PRKG1: variants seen among roughly 807,000 people sequenced by gnomAD.
The protein encoded by PRKG1 is cGMP-dependent protein kinase 1.
A neutral mutation model predicts 88.1 loss-of-function variants in PRKG1; 35 were observed. The ratio of observed to expected loss-of-function variants is 0.40; its 90% CI spans 0.30 to 0.53. PRKG1 has a LOEUF of 0.53. Among genes scored for constraint, PRKG1 ranks in the 20% least tolerant of loss-of-function variants. The probability of loss-of-function intolerance (pLI) is 0.59; values close to 1 mark genes in which losing one functional copy is unlikely to be tolerated. For missense variants in PRKG1, 540 were observed against 839.8 expected (o/e 0.64, Z 4.41); for synonymous variants, 303 against 292.5 (o/e 1.04, Z -0.37).
intron 2 of PRKG1, among the ~76,000 whole-genome samples, chr10:51,418,778 A>G (rs945863509): frequency 8.5e-5 from 13 of 152,310 alleles, no homozygotes; most frequent in Non-Finnish European, 1.8e-4. Flanking sequence ...AGACACACAC[A>G]CTAATGCAAT....
intron 2 of PRKG1, among the ~76,000 whole-genome samples, chr10:51,411,457 C>T (rs1480315169): frequency 6.6e-6 from 1 of 152,198 alleles, no homozygotes; most frequent in East Asian, 1.9e-4. Flanking sequence ...ATTCACGTTT[C>T]TACCCACTGC....
intron 1 of PRKG1, among the ~76,000 whole-genome samples, chr10:51,077,478 A>G (rs1843986397): frequency 6.6e-6 from 1 of 152,152 alleles, no homozygotes; most frequent in Non-Finnish European, 1.5e-5. Flanking sequence ...ATGCAAATAT[A>G]TCTGTTTAGT....
chr10:52,013,334 G>T (rs1844947443), intron 5 of PRKG1, among the ~76,000 whole-genome samples: 1 of 151,966 alleles, frequency 6.6e-6, no homozygotes, highest in South Asian at 2.1e-4. Flanking sequence ...CAGGAGAATG[G>T]TGTGAACCTG....
intron 3 of PRKG1, among the ~76,000 whole-genome samples, chr10:51,502,442 G>A (rs542998859): frequency 6.6e-6 from 1 of 152,150 alleles, no homozygotes; most frequent in South Asian, 2.1e-4. Flanking sequence ...TCATTAGAGA[G>A]CTGTATCTTG....
chr10:51,113,728 T>TAA (rs59764267), intron 1 of PRKG1, among the ~76,000 whole-genome samples: 6,396 of 92,222 alleles, frequency 0.069, 207 homozygotes, highest in African/African-American at 0.1. Flanking sequence ...GCATTCTATT[T>TAA]AAAAAAAAAA....
chr10:51,169,466 A>C (rs949508454), intron 2 of PRKG1, among the ~76,000 whole-genome samples: 1 of 152,128 alleles, frequency 6.6e-6, no homozygotes, highest in Admixed American at 6.6e-5. Context: ...GGATAAGTTA[A>C]ATTTTTTAAA....
chr10:51,910,052 A>T (rs1165145719), intron 5 of PRKG1: 1 of 152,152 alleles, frequency 6.6e-6, no homozygotes, highest in Non-Finnish European at 1.5e-5. Context: ...GCCTATTCTG[A>T]TATATTCTAT....
At chr10:52,223,206 A>G (rs1358536949) in intron 9 of PRKG1, among the ~76,000 whole-genome samples, 2 of 152,140 alleles carry the variant, frequency 1.3e-5, no homozygotes, top group Non-Finnish European at 2.9e-5. Context: ...CTTGAAATAC[A>G]TATAAACATA....
chr10:51,613,129 A>G (rs1360909331), intron 3 of PRKG1, among the ~76,000 whole-genome samples: 1 of 151,822 alleles, frequency 6.6e-6, no homozygotes, highest in Non-Finnish European at 1.5e-5. Flanking sequence ...ATAGAATTAC[A>G]CTGTGAATCC....
rs554751056 is a variant in PRKG1 at position 52,055,764 on chromosome 10, G to A, written c.840+1203G>A. ...GAAAGGAATTGATAGGCCAGTTTCC[G>A]TTTTTATAATTATCACTTTATAAAT... On this transcript the variant is annotated intron_variant, in intron 6 of 17. Transcript: ENST00000373980. 5.3e-5 allele frequency among the ~76,000 whole-genome samples: 8 copies of A among 152,148 alleles called. No homozygotes were observed. In the South Asian group the frequency reaches 6.2e-4, roughly 12 times the overall value.
In PRKG1 at chr10:51,043,103, C is replaced by A. The variant is rs116241971; in HGVS notation, c.266+51459C>A. ...TAAGACAAGGGACAAGGGGATTGAG[C>A]CTTTATACTTCCTTACTGAGCAGTC... On this transcript the variant is annotated intron_variant, in intron 1 of 17. Coordinates refer to the PRKG1 transcript ENST00000401604. Among the ~76,000 whole-genome samples, 17 of 152,164 alleles carry A rather than the reference C, an allele frequency of 1.1e-4. No homozygotes were observed. The South Asian group carries it at 1.9e-3, about 17-fold the overall frequency.
intron 1 of PRKG1, among the ~76,000 whole-genome samples, chr10:51,152,424 C>T (rs1040256147): frequency 1.3e-5 from 2 of 152,018 alleles, no homozygotes; most frequent in African/African-American, 4.8e-5. Flanking sequence ...TGCATTTCTA[C>T]CAGTTGTTTC....
At chr10:51,637,727 A>G (rs1291361564) in intron 3 of PRKG1, among the ~76,000 whole-genome samples, 2 of 152,156 alleles carry the variant, frequency 1.3e-5, no homozygotes, top group Non-Finnish European at 2.9e-5. Flanking sequence ...ATGAGAACAC[A>G]TAGACACATG....
chr10:51,701,394 C>G (rs1841462034), intron 3 of PRKG1, among the ~76,000 whole-genome samples: 1 of 152,148 alleles, frequency 6.6e-6, no homozygotes, highest in African/African-American at 2.4e-5. Context: ...ATCCATTTAC[C>G]TTCAAGTTTT....
At chr10:51,196,326 A>G (rs551705858) in intron 2 of PRKG1, among the ~76,000 whole-genome samples, 4 of 152,300 alleles carry the variant, frequency 2.6e-5, no homozygotes, top group East Asian at 1.9e-4. Context: ...ATTTATTTTT[A>G]TATACTTTTA....
intron 5 of PRKG1, among the ~76,000 whole-genome samples, chr10:51,928,713 C>T (rs1265985178): frequency 6.6e-6 from 1 of 152,150 alleles, no homozygotes; most frequent in South Asian, 2.1e-4. Flanking sequence ...ATTTTGCAAT[C>T]AGCTAATATC....
intron 4 of PRKG1, among the ~76,000 whole-genome samples, chr10:51,850,489 T>TTATATATATATATATA (rs141736837): frequency 7.0e-6 from 1 of 143,572 alleles, no homozygotes; most frequent in African/African-American, 2.5e-5. Flanking sequence ...TGTTGCAATT[T>TTATATATATATATATA]TATATATATA....
intron 4 of PRKG1, among the ~76,000 whole-genome samples, chr10:51,838,244 G>A (rs1252204754): frequency 1.3e-5 from 2 of 152,120 alleles, no homozygotes; most frequent in African/African-American, 2.4e-5. Flanking sequence ...CATGTATAGT[G>A]ATCTAAAGAT....
chr10:51,201,414 C>G (rs928340124), intron 2 of PRKG1, among the ~76,000 whole-genome samples: 1 of 152,076 alleles, frequency 6.6e-6, no homozygotes, highest in African/African-American at 2.4e-5. Flanking sequence ...ATTGTGCCGT[C>G]ACACTCCAGC....
Sources: gnomAD v4.1 joint callset for allele counts (sites outside exome capture counted in the v4.1 genomes callset) on GRCh38, gnomAD v4.1.1 for gene constraint, MANE v1.5 for transcripts, NCBI Gene and HGNC (gene_info 2026-07-23, HGNC 2026-07-21) for gene names.